Variants in ALK observed in about 807,000 individuals in gnomAD.
The protein encoded by ALK is ALK receptor tyrosine kinase.
ALK carries 74 observed loss-of-function variants against 163.1 expected under a neutral mutation model. That is an observed-to-expected ratio of 0.45 (90% CI 0.38 to 0.55). The LOEUF (loss-of-function observed/expected upper bound fraction) is 0.55, where lower values mean the gene tolerates loss of function less well. Among genes scored for constraint, ALK ranks in the 20% least tolerant of loss-of-function variants. The probability of loss-of-function intolerance (pLI) is 0.00; values close to 1 mark genes in which losing one functional copy is unlikely to be tolerated. For synonymous variants in ALK, 960 were observed against 843.2 expected, an observed-to-expected ratio of 1.14 and a Z score of -2.40; for missense variants, 2,063 against 2,105.3, an observed-to-expected ratio of 0.98 and a Z score of 0.39.
In ALK at chr2:29,616,480, G is replaced by A. The variant is rs539768999; in HGVS notation, c.952+78370C>T. ...AGATTTACAATTTGAGAATCAAGGC[G>A]TCTGAAGAATTTGTAATCTGAGAGA... On this transcript the variant is annotated intron_variant, in intron 3 of 28. Coordinates refer to ENST00000389048, the MANE Select transcript of ALK (RefSeq NM_004304.5). 5.9e-5 allele frequency among the ~76,000 whole-genome samples: 9 copies of A among 152,284 alleles called. 1 individual carries two copies. The highest frequency in any genetic ancestry group is 2.1e-4 in the South Asian group (1 of 4,814).
At chr2:29,563,229 T>C (rs962538655) in intron 3 of ALK, among the ~76,000 whole-genome samples, 1 of 152,208 alleles carries the variant, frequency 6.6e-6, no homozygotes, top group African/African-American at 2.4e-5. Flanking sequence ...GGGTAGGGTG[T>C]CTTTACATAT....
intron 1 of ALK, among the ~76,000 whole-genome samples, chr2:29,813,808 T>C (rs1458270929): frequency 2.6e-5 from 4 of 152,214 alleles, no homozygotes; most frequent in Non-Finnish European, 5.9e-5. Context: ...ATAGCATCTA[T>C]ATCATCAGTC....
chr2:29,670,233 G>C (rs1677640735), intron 3 of ALK, among the ~76,000 whole-genome samples: 2 of 151,980 alleles, frequency 1.3e-5, no homozygotes, highest in Non-Finnish European at 1.5e-5. Context: ...GCTTTTATTT[G>C]TCTGGGAAGG....
intron 11 of ALK, among the ~76,000 whole-genome samples, chr2:29,257,365 T>C (rs188430605): frequency 1.0e-3 from 158 of 152,322 alleles, no homozygotes; most frequent in East Asian, 1.9e-3. Context: ...TGATTGGTTA[T>C]AGACAGTTGA....
intron 5 of ALK, among the ~76,000 whole-genome samples, chr2:29,379,453 A>G (rs1558298578): frequency 6.6e-6 from 1 of 152,222 alleles, no homozygotes; most frequent in Non-Finnish European, 1.5e-5. Flanking sequence ...CTGGAGAAAT[A>G]AAAGAAATGT....
chr2:29,519,157 A>T (rs997736538), intron 4 of ALK, among the ~76,000 whole-genome samples: 29 of 152,200 alleles, frequency 1.9e-4, no homozygotes, highest in African/African-American at 6.0e-4. Flanking sequence ...AGCCAAGGGG[A>T]TATCAGCAAG....
intron 4 of ALK, among the ~76,000 whole-genome samples, chr2:29,462,955 T>A (rs1462359211): frequency 2.6e-5 from 4 of 152,158 alleles, no homozygotes; most frequent in African/African-American, 9.7e-5. Flanking sequence ...AAATGTAACA[T>A]CATCTGAAAT....
At position 29,245,637 on chromosome 2, in the gene ALK, C is replaced by T. The variant is rs1247763849; in HGVS notation, c.2204+5468G>A. On this transcript the variant is annotated intron_variant, in intron 12 of 28. Coordinates refer to ENST00000389048, the MANE Select transcript of ALK (RefSeq NM_004304.5). ...ACAGTAGGGGCTTTATGGCTCAGTG[C>T]CCTGCACATAGTAGGGGCTCCATGG... Among the ~76,000 whole-genome samples the T allele has an allele frequency of 5.7e-5, 8 of 140,386 alleles. 1 individual carries two copies. The highest frequency in any genetic ancestry group is 3.5e-4 in the Admixed American group (5 of 14,128). 92.1% of individuals were successfully genotyped at this position (140,386 alleles called of 152,430 possible). A position where few individuals can be genotyped will look rare whatever the true frequency, so the allele number is the denominator to read the frequency against.
intron 1 of ALK, among the ~76,000 whole-genome samples, chr2:29,860,572 G>T (rs149258471): frequency 5.8e-4 from 89 of 152,226 alleles, no homozygotes; most frequent in Non-Finnish European, 1.0e-3. Context: ...AACAGCAGCA[G>T]AATACACATT....
chr2:29,559,512 A>T (rs1323804416), intron 3 of ALK, among the ~76,000 whole-genome samples: 1 of 152,160 alleles, frequency 6.6e-6, no homozygotes, highest in East Asian at 1.9e-4. Flanking sequence ...CATTCTTAAT[A>T]TTTGCCATCA....
At chr2:29,397,927 C>A (rs1410887771) in intron 4 of ALK, among the ~76,000 whole-genome samples, 1 of 152,200 alleles carries the variant, frequency 6.6e-6, no homozygotes, top group African/African-American at 2.4e-5. Context: ...CTGTATCAGC[C>A]ATATGGGAGC....
chr2:29,634,218 C>T (rs1458188565), intron 3 of ALK, among the ~76,000 whole-genome samples: 2 of 152,054 alleles, frequency 1.3e-5, no homozygotes, highest in African/African-American at 4.8e-5. Context: ...CTGCCTCACC[C>T]TCTCGAATAG....
rs75340568 is a variant in ALK at position 29,583,786 on chromosome 2, C to T, written c.953-51670G>A. On this transcript the variant is annotated intron_variant, in intron 3 of 28. Transcript: ENST00000389048. Reference sequence around the variant, plus strand: ...CTGGGATGTTAACAGGGTAAGTAGCCGGCATATGCCTCTGGGGCAATGACC... The same window carrying T: ...CTGGGATGTTAACAGGGTAAGTAGCTGGCATATGCCTCTGGGGCAATGACC... 8.5e-5 allele frequency among the ~76,000 whole-genome samples: 13 copies of T among 152,294 alleles called. No individual in the cohort carries two copies. In the East Asian group the frequency reaches 2.3e-3, roughly 27 times the overall value.
intron 1 of ALK, among the ~76,000 whole-genome samples, chr2:29,753,137 G>C (rs915520995): frequency 1.3e-5 from 2 of 152,224 alleles, no homozygotes; most frequent in African/African-American, 4.8e-5. Flanking sequence ...GGGAACTTCA[G>C]AATGTGCCAT....
intron 2 of ALK, among the ~76,000 whole-genome samples, chr2:29,695,507 A>G (rs1310383392): frequency 6.6e-6 from 1 of 152,222 alleles, no homozygotes; most frequent in Non-Finnish European, 1.5e-5. Context: ...TGGTGGTAAA[A>G]CATACTGCCT....
At chr2:29,275,571 G>GC in intron 9 of ALK, 75 bp from the exon 10 acceptor site, 2 of 1,470,390 alleles carry the variant, frequency 1.4e-6, no homozygotes, top group Non-Finnish European at 1.9e-6. Flanking sequence ...TCCAGCAGGT[G>GC]TGTGCTGATC....
At chr2:29,867,136 G>A (rs1666455542) in intron 1 of ALK, among the ~76,000 whole-genome samples, 1 of 152,170 alleles carries the variant, frequency 6.6e-6, no homozygotes, top group Non-Finnish European at 1.5e-5. Flanking sequence ...CGGCACAACA[G>A]TAGAATGTTA....
chr2:29,637,180 C>T (rs1421229223), intron 3 of ALK, among the ~76,000 whole-genome samples: 1 of 152,082 alleles, frequency 6.6e-6, no homozygotes, highest in Non-Finnish European at 1.5e-5. Context: ...AACTAGAAAC[C>T]AACATGTTCC....
chr2:29,328,221 TGA>T (rs1014816534), intron 6 of ALK, 127 bp downstream of exon 6: 39 of 1,340,942 alleles, frequency 2.9e-5, no homozygotes, highest in Non-Finnish European at 3.1e-5. Context: ...GGCTTTGCCA[TGA>T]GAGGAGTCAC....
Sources: gnomAD v4.1 joint callset for allele counts (sites outside exome capture counted in the v4.1 genomes callset) on GRCh38, gnomAD v4.1.1 for gene constraint, MANE v1.5 for transcripts, NCBI Gene and HGNC (gene_info 2026-07-23, HGNC 2026-07-21) for gene names.